The following WDR27 variants were observed in gnomAD, a reference collection of about 807,000 sequenced individuals.
WDR27 encodes WD repeat-containing protein 27.
A neutral mutation model predicts 114.4 loss-of-function variants in WDR27; 100 were observed. That is an observed-to-expected ratio of 0.87 (90% CI 0.74 to 1.03). WDR27 has a LOEUF of 1.03. Ranked by LOEUF, WDR27 falls within the 50% of genes least tolerant of loss-of-function variation. The pLI, the probability that WDR27 is intolerant of heterozygous loss-of-function variation, is 0.00. For missense variants in WDR27, 1,129 were observed against 1,092.9 expected, an observed-to-expected ratio of 1.03 and a Z score of -0.47; for synonymous variants, 449 against 423.1, an observed-to-expected ratio of 1.06 and a Z score of -0.75.
Position 169,498,496 on chromosome 6 carries a change from GA to G in WDR27, c.2646-40863del, listed in dbSNP as rs563092899. On this transcript the variant is annotated intron_variant, in intron 25 of 25. Coordinates refer to ENST00000448612, the MANE Select transcript of WDR27 (RefSeq NM_182552.5). ...AAAATGGAAGAAAAAATAGATCAGGGACTTAAATGTAAAACTATAGGAATTT... is the reference window on the plus strand; with the variant it reads ...AAAATGGAAGAAAAAATAGATCAGGGCTTAAATGTAAAACTATAGGAATTT... Among the ~76,000 whole-genome samples, 330 of 152,262 alleles carry G rather than the reference GA, an allele frequency of 2.2e-3. 1 individual carries two copies. The highest frequency in any genetic ancestry group is 3.3e-3 in the Non-Finnish European group (223 of 68,008).
chr6:169,451,781 T>A, the WDR27 span, among the ~76,000 whole-genome samples: 1 of 152,252 alleles, frequency 6.6e-6, no homozygotes, highest in Non-Finnish European at 1.5e-5. Flanking sequence ...TAATGAGGAA[T>A]AATACTGAGA....
At chr6:169,627,596 G>T (rs1815193378) in intron 21 of WDR27, among the ~76,000 whole-genome samples, 2 of 152,198 alleles carry the variant, frequency 1.3e-5, no homozygotes, top group African/African-American at 4.8e-5. Flanking sequence ...GGCGAGCCAG[G>T]CCCAGCGTCT....
chr6:169,660,880 C>T (rs2128269079), intron 9 of WDR27, 114 bp from the exon 10 acceptor site: 4 of 831,750 alleles, frequency 4.8e-6, no homozygotes, highest in Middle Eastern at 2.6e-4. Context: ...GGAGTGTGGG[C>T]GTTGGGCCCC....
In WDR27 at chr6:169,634,468, T is replaced by G; in HGVS notation, c.2061A>C (p.Val687=). 6.2e-7 allele frequency: 1 copy of G among 1,613,454 alleles called. No individual in the cohort carries two copies. The highest frequency in any genetic ancestry group is 8.5e-7 in the Non-Finnish European group (1 of 1,179,708). ...LICRLSTTGA[V]DMTSLSAVND... is the part of the protein sequence containing the mutation. ...TGACTGCCGATAAACTGGTCATGTC[T>G]ACTGCACCCGTCGTGGAGAGCCTGC... Residue 687 remains valine, a synonymous_variant, in exon 20 of 26, where the codon GTA becomes GTC. Coordinates refer to ENST00000448612, the MANE Select transcript of WDR27 (RefSeq NM_182552.5).
At chr6:169,596,732 T>C (rs1806868763) in intron 23 of WDR27, among the ~76,000 whole-genome samples, 2 of 152,110 alleles carry the variant, frequency 1.3e-5, no homozygotes. Context: ...GAAAGTCCTT[T>C]TAAGACACAC....
At chr6:169,494,095 A>G (rs1276866926) in intron 25 of WDR27, among the ~76,000 whole-genome samples, 1 of 152,194 alleles carries the variant, frequency 6.6e-6, no homozygotes, top group Admixed American at 6.5e-5. Context: ...ATAATGGTTA[A>G]TATTCTATGT....
rs139591970 is a variant in WDR27 at position 169,630,142 on chromosome 6, T to C, written c.2223+2805A>G. On this transcript the variant is annotated intron_variant, in intron 21 of 25. Transcript: ENST00000448612. ...TACATAACATCTCAGGAGAGACTTT[T>C]CTTGTTAGCAATCTTTATCTTTAGA... 2.7e-3 allele frequency among the ~76,000 whole-genome samples: 405 copies of C among 152,316 alleles called. 2 individuals carry two copies. Among genetic ancestry groups the C allele is most frequent in the African/African-American group, 9.4e-3 (390 of 41,560 alleles).
At chr6:169,543,872 A>G (rs955781569) in intron 25 of WDR27, among the ~76,000 whole-genome samples, 1 of 152,224 alleles carries the variant, frequency 6.6e-6, no homozygotes, top group Non-Finnish European at 1.5e-5. Flanking sequence ...TTACCAATGC[A>G]TGATTTTGTA....
intron 25 of WDR27, among the ~76,000 whole-genome samples, chr6:169,505,142 G>C (rs1791843667): frequency 6.6e-6 from 1 of 152,156 alleles, no homozygotes; most frequent in Non-Finnish European, 1.5e-5. Flanking sequence ...TTCCTTTGGA[G>C]ATGAATGTAG....
chr6:169,532,659 G>C (rs1418043451), intron 25 of WDR27, among the ~76,000 whole-genome samples: 1 of 152,062 alleles, frequency 6.6e-6, no homozygotes, highest in East Asian at 1.9e-4. Context: ...ATTTTATTTA[G>C]TTTCAATTTT....
intron 1 of WDR27, among the ~76,000 whole-genome samples, chr6:169,697,118 C>T (rs9371125): frequency 0.55 from 84,230 of 152,078 alleles, 27,412 homozygotes; most frequent in East Asian, 0.98. Context: ...GATATGATTA[C>T]ATATGAATAT....
chr6:169,484,371 C>G (rs1788607327), intron 25 of WDR27, among the ~76,000 whole-genome samples: 1 of 152,056 alleles, frequency 6.6e-6, no homozygotes, highest in Non-Finnish European at 1.5e-5. Flanking sequence ...AGCATTCTTA[C>G]ACACCAACAG....
At position 169,516,536 on chromosome 6, in the gene WDR27, A is replaced by T. The variant is rs140607713; in HGVS notation, c.2645+55883T>A. On this transcript the variant is annotated intron_variant, in intron 25 of 25. Transcript: ENST00000448612. ...CATTTGTCTAAAACATTTACAGATG[A>T]ATGTTTTAGTTGCTGCTTCCTGTTG... 5.1e-3 allele frequency among the ~76,000 whole-genome samples: 775 copies of T among 152,198 alleles called. 10 individuals are homozygous for T. The highest frequency in any genetic ancestry group is 0.017 in the Middle Eastern group (5 of 294).
At chr6:169,632,209 A>G (rs2128216197) in intron 21 of WDR27, among the ~76,000 whole-genome samples, 1 of 150,838 alleles carries the variant, frequency 6.6e-6, no homozygotes, top group East Asian at 1.9e-4. Context: ...AAAAAAAAAA[A>G]GAAGACGCAA....
At chr6:169,500,743 T>C (rs2115479057) in intron 25 of WDR27, among the ~76,000 whole-genome samples, 1 of 152,246 alleles carries the variant, frequency 6.6e-6, no homozygotes, top group Non-Finnish European at 1.5e-5. Context: ...CACGACATGG[T>C]GGAGACCGCA....
chr6:169,588,363 C>G (rs1242008065), intron 23 of WDR27, among the ~76,000 whole-genome samples: 1 of 152,140 alleles, frequency 6.6e-6, no homozygotes, highest in African/African-American at 2.4e-5. Flanking sequence ...TTATGATAGT[C>G]AAGGATAAAA....
intron 25 of WDR27, among the ~76,000 whole-genome samples, chr6:169,476,400 T>C (rs978031307): frequency 7.2e-5 from 11 of 152,202 alleles, no homozygotes; most frequent in Non-Finnish European, 1.5e-4. Context: ...CCATCACAGC[T>C]GTAAATCATG....
intron 21 of WDR27, among the ~76,000 whole-genome samples, chr6:169,632,383 T>C (rs1332713585): frequency 6.6e-6 from 1 of 152,208 alleles, no homozygotes; most frequent in Admixed American, 6.5e-5. Flanking sequence ...ATTGCAGTTT[T>C]AGTCCTAAGA....
At chr6:169,604,818 T>C (rs1050748972) in intron 22 of WDR27, among the ~76,000 whole-genome samples, 4 of 151,952 alleles carry the variant, frequency 2.6e-5, no homozygotes, top group African/African-American at 9.7e-5. Flanking sequence ...ATGTGATACA[T>C]AACATAAACA....
Sources: allele counts gnomAD v4.1 joint callset (sites outside exome capture counted in the v4.1 genomes callset), GRCh38; gene constraint gnomAD v4.1.1; transcripts MANE v1.5; gene names NCBI Gene and HGNC (gene_info 2026-07-23, HGNC 2026-07-21).